Variants in CHST9 observed in about 807,000 individuals in gnomAD.
The protein encoded by CHST9 is GalNAc-4-sulfotransferase 2.
CHST9 carries 41 observed loss-of-function variants against 44.4 expected under a neutral mutation model. The ratio of observed to expected loss-of-function variants is 0.92; its 90% confidence interval spans 0.72 to 1.20. The LOEUF (loss-of-function observed/expected upper bound fraction) is 1.20. CHST9 is among the 50% of genes most tolerant of loss of function. CHST9 has a pLI of 0.00. For synonymous variants in CHST9, 171 were observed against 178.4 expected (o/e 0.96, Z 0.33); for missense variants, 504 against 516.5 (o/e 0.98, Z 0.23).
chr18:26,983,923 T>C (rs1463499041), intron 4 of CHST9, among the ~76,000 whole-genome samples: 2 of 152,198 alleles, frequency 1.3e-5, no homozygotes, highest in Non-Finnish European at 2.9e-5. Context: ...AGTCTTGATA[T>C]ACAAAAGACA....
intron 4 of CHST9, among the ~76,000 whole-genome samples, chr18:26,957,580 A>T (rs1312641364): frequency 6.6e-6 from 1 of 151,930 alleles, no homozygotes; most frequent in Non-Finnish European, 1.5e-5. Context: ...AAAAAAAAAA[A>T]ATAGCCAAGC....
At chr18:26,995,242 T>G in intron 4 of CHST9, among the ~76,000 whole-genome samples, 2 of 130,314 alleles carry the variant, frequency 1.5e-5, no homozygotes, top group African/African-American at 3.0e-5. Flanking sequence ...GCTAACACGG[T>G]GAAACCCCAT....
intron 2 of CHST9, among the ~76,000 whole-genome samples, chr18:27,114,601 A>G (rs917922050): frequency 6.6e-6 from 1 of 152,204 alleles, no homozygotes; most frequent in South Asian, 2.1e-4. Flanking sequence ...AAGGAACTCT[A>G]TAGATATTAG....
In CHST9 at chr18:27,012,873, A is replaced by G. The variant is rs78635700; in HGVS notation, c.202+11243T>C. 9.4e-3 allele frequency among the ~76,000 whole-genome samples: 1,437 copies of G among 152,354 alleles called. 22 individuals carry two copies. The highest frequency in any genetic ancestry group is 0.033 in the African/African-American group (1,367 of 41,574). On this transcript the variant is annotated intron_variant, in intron 4 of 5. Transcript: ENST00000618847. Reference sequence around the variant, plus strand: ...TTATAGCTAGTGGCCATCTGTCAACAAATGTAAACTATGAAACTGGATATT... The same window carrying G: ...TTATAGCTAGTGGCCATCTGTCAACGAATGTAAACTATGAAACTGGATATT...
At chr18:27,184,414 G>A (rs950725320) in intron 1 of CHST9, among the ~76,000 whole-genome samples, 2 of 152,150 alleles carry the variant, frequency 1.3e-5, no homozygotes, top group Non-Finnish European at 2.9e-5. Context: ...TTCAAACGGG[G>A]CAGAAGAGGG....
At chr18:27,069,728 C>T (rs1195000517) in intron 2 of CHST9, among the ~76,000 whole-genome samples, 5 of 152,070 alleles carry the variant, frequency 3.3e-5, no homozygotes, top group Non-Finnish European at 4.4e-5. Flanking sequence ...TTTGAATAGA[C>T]CTGTCTTCTA....
chr18:26,942,740 G>A (rs3865412), intron 5 of CHST9, among the ~76,000 whole-genome samples: 23,586 of 152,174 alleles, frequency 0.15, 2,052 homozygotes, highest in East Asian at 0.24. Flanking sequence ...AATAGCAGCA[G>A]TAAACTTTAC....
chr18:27,128,819 A>G (rs1478296834), intron 2 of CHST9, among the ~76,000 whole-genome samples: 1 of 152,232 alleles, frequency 6.6e-6, no homozygotes, highest in Admixed American at 6.5e-5. Flanking sequence ...TAGAATTGCA[A>G]TGCTCACAAA....
Position 26,912,380 on chromosome 18 carries a change from C to A in CHST9, c.*3879G>T, listed in dbSNP as rs1206487867. ...TGATAACTAACTAGCTAAATACACA[C>A]ACACACACACACACACACACACACA... On this transcript the variant is annotated 3_prime_UTR_variant, in exon 6 of 6. Transcript: ENST00000618847. The A allele has an allele frequency of 2.3e-5, 3 of 131,556 alleles. No homozygotes were observed. The highest frequency in any genetic ancestry group is 1.1e-4 in the African/African-American group (3 of 28,376). The allele number at this position is 131,556 out of a possible 1,614,324, so 8.1% of individuals were successfully genotyped here.
intron 4 of CHST9, among the ~76,000 whole-genome samples, chr18:26,949,203 G>A (rs2056208878): frequency 6.6e-6 from 1 of 152,180 alleles, no homozygotes; most frequent in Non-Finnish European, 1.5e-5. Flanking sequence ...CAGGCAGTGA[G>A]AATGGGAAGG....
intron 2 of CHST9, among the ~76,000 whole-genome samples, chr18:27,078,745 A>G (rs890231135): frequency 6.6e-6 from 1 of 152,154 alleles, no homozygotes; most frequent in African/African-American, 2.4e-5. Flanking sequence ...GAGCTGAAAA[A>G]GGGTGGCAGA....
At chr18:26,984,065 T>TAGGCA (rs1008838683) in intron 4 of CHST9, among the ~76,000 whole-genome samples, 3 of 152,182 alleles carry the variant, frequency 2.0e-5, no homozygotes, top group Non-Finnish European at 4.4e-5. Flanking sequence ...GACATTGACT[T>TAGGCA]AAGATAACCT....
chr18:27,016,725 A>G (rs981837907), intron 4 of CHST9, among the ~76,000 whole-genome samples: 1 of 152,204 alleles, frequency 6.6e-6, no homozygotes, highest in Non-Finnish European at 1.5e-5. Flanking sequence ...GATGTTTTAT[A>G]TATCTATACT....
chr18:27,099,443 A>G (rs888812703), intron 2 of CHST9, among the ~76,000 whole-genome samples: 2 of 152,180 alleles, frequency 1.3e-5, no homozygotes, highest in East Asian at 3.9e-4. Context: ...TATGCATCCA[A>G]CAAAGGTCTA....
At chr18:26,943,579 T>G (rs1460327987) in intron 5 of CHST9, among the ~76,000 whole-genome samples, 2 of 152,178 alleles carry the variant, frequency 1.3e-5, no homozygotes, top group African/African-American at 4.8e-5. Flanking sequence ...CCCAAGCATA[T>G]TTTTCCACAG....
At chr18:26,929,491 C>T (rs565000753) in intron 5 of CHST9, among the ~76,000 whole-genome samples, 3 of 152,220 alleles carry the variant, frequency 2.0e-5, no homozygotes, top group South Asian at 2.1e-4. Flanking sequence ...CTTTAAATAC[C>T]GGGCATATCA....
At chr18:26,929,014 G>A (rs1201334639) in intron 5 of CHST9, among the ~76,000 whole-genome samples, 3 of 152,144 alleles carry the variant, frequency 2.0e-5, no homozygotes, top group African/African-American at 7.2e-5. Context: ...AAATGTAAGT[G>A]AAGGCATTGG....
intron 4 of CHST9, among the ~76,000 whole-genome samples, chr18:26,996,247 A>T (rs1426809395): frequency 6.6e-6 from 1 of 152,184 alleles, no homozygotes; most frequent in East Asian, 1.9e-4. Flanking sequence ...TGTAAACATG[A>T]TTCTAAGTCA....
intron 4 of CHST9, among the ~76,000 whole-genome samples, chr18:26,994,790 C>T (rs369909135): frequency 3.3e-5 from 5 of 151,942 alleles, no homozygotes; most frequent in East Asian, 3.9e-4. Flanking sequence ...GGTTTCACCA[C>T]GTTGCCCAGG....
Sources: gnomAD v4.1 joint callset for allele counts (sites outside exome capture counted in the v4.1 genomes callset) on GRCh38, gnomAD v4.1.1 for gene constraint, MANE v1.5 for transcripts, NCBI Gene and HGNC (gene_info 2026-07-23, HGNC 2026-07-21) for gene names.